The following ASPG variants were observed in gnomAD, a reference collection of about 807,000 sequenced individuals.
ASPG encodes 60 kDa lysophospholipase.
In ASPG, 53 loss-of-function variants were observed where a neutral mutation model predicts 63.2. The observed-to-expected ratio is 0.84, with a 90% CI of 0.67 to 1.05. The LOEUF is 1.05. ASPG is among the 50% of genes least tolerant of loss of function. ASPG has a pLI of 0.00. For missense variants in ASPG, 741 were observed against 794.4 expected (o/e 0.93, Z 0.81); for synonymous variants, 370 against 355.0 (o/e 1.04, Z -0.48).
chr14:104,103,539 A>G, intron 6 of ASPG, 24 bp from the exon 7 acceptor site: 1 of 1,540,692 alleles, frequency 6.5e-7, no homozygotes, highest in Non-Finnish European at 8.8e-7. Context: ...TGAAGGCACC[A>G]CACAGGCCCT....
rs778742774 is a variant in ASPG, at chr14:104,104,288, C to T, written c.754-16C>T. On this transcript the variant is annotated splice_polypyrimidine_tract_variant and intron_variant, in intron 7 of 15. Coordinates refer to ENST00000551177, the MANE Select transcript of ASPG (RefSeq NM_001080464.3). ...AGAGACCCTCACCATCCAGCCCCCA[C>T]CCCACCGCCCCACAGGTTCGGGCCT... is the stretch of plus-strand genomic sequence containing the variant. 2 of 1,604,866 alleles carry T rather than the reference C, an allele frequency of 1.2e-6. No homozygotes were observed. Among genetic ancestry groups the T allele is most frequent in the Non-Finnish European group, 1.7e-6 (2 of 1,174,916 alleles).
chr14:104,100,454 T>C (rs1408452768), intron 6 of ASPG, among the ~76,000 whole-genome samples: 1 of 152,114 alleles, frequency 6.6e-6, no homozygotes, highest in Non-Finnish European at 1.5e-5. Flanking sequence ...AACTGCCTGG[T>C]TCTACAGGTG....
chr14:104,105,600 G>T lies in ASPG; in HGVS notation c.1173+150G>T, dbSNP rs1282163345. ...CCCGGGTTCTGGGGCCCAGGAGGAG[G>T]GTTTGGGGTCTGCAGCAAGGAAGGT... On this transcript the variant is annotated intron_variant, in intron 10 of 15. Transcript: ENST00000551177. 2.6e-6 allele frequency: 3 copies of T among 1,163,908 alleles called. No homozygotes were observed. In the East Asian group the frequency reaches 8.0e-5, roughly 31 times the overall value. The allele number at this position is 1,163,908 out of a possible 1,614,324, so 72.1% of individuals were successfully genotyped here. A position where few individuals can be genotyped will look rare whatever the true frequency, so the allele number is the denominator to read the frequency against.
intron 12 of ASPG, chr14:104,108,573 G>C (rs559326242): frequency 2.0e-6 from 2 of 985,422 alleles, no homozygotes; most frequent in African/African-American, 1.7e-5. Flanking sequence ...TGCTTTGCAG[G>C]GGTGGGGGCA....
chr14:104,111,956 C>T lies in ASPG; in HGVS notation c.1657C>T (p.Leu553=). The T allele has an allele frequency of 6.4e-7, 1 of 1,558,244 alleles. No homozygotes were observed. Among genetic ancestry groups the T allele is most frequent in the Non-Finnish European group, 8.7e-7 (1 of 1,150,760 alleles). Residue 553 remains leucine, a synonymous_variant, in exon 15 of 16, where the codon CTA becomes TTA. Coordinates refer to ENST00000551177, the MANE Select transcript of ASPG (RefSeq NM_001080464.3). ...CGGGAACCTGGCAGTGGTGGCCTTT[C>T]TACAGAGCCTGGAGGGTGCGGTTGG... The part of the protein sequence containing the change: ...AAGNLAVVAF[L]QSLEGAVGAQ...
chr14:104,097,490 T>C, intron 4 of ASPG, 64 bp from the exon 5 acceptor site: 1 of 1,470,956 alleles, frequency 6.8e-7, no homozygotes, highest in South Asian at 1.3e-5. Context: ...CCTGGAGAGA[T>C]GAGCCAGACA....
chr14:104,092,573 G>A (rs2036400945), intron 1 of ASPG, 60 bp from the exon 2 acceptor site: 5 of 1,376,936 alleles, frequency 3.6e-6, no homozygotes, highest in Non-Finnish European at 4.0e-6. Flanking sequence ...CTCAGTGAGG[G>A]AGGAGGCGGC....
At chr14:104,105,870 G>A (rs2037103251) in intron 10 of ASPG, among the ~76,000 whole-genome samples, 1 of 152,194 alleles carries the variant, frequency 6.6e-6, no homozygotes. Context: ...CAACTGAGGT[G>A]CCCAGACCTA....
rs1566825605 is a variant in ASPG, at chr14:104,093,495, G to GCCAGCC, written c.197_202dup (p.Ser67_Arg68insProSer). ...CCTGCTGTTTCTGTCCCGCAGCCCG[G>GCCAGCC]CCAGCCGCAACCAGAGGATTCTCTA... On this transcript the variant is annotated inframe_insertion, in exon 3 of 16. Coordinates refer to ENST00000551177, the MANE Select transcript of ASPG (RefSeq NM_001080464.3). The GCCAGCC allele has an allele frequency of 1.2e-6, 2 of 1,612,172 alleles. No homozygotes were observed. The highest frequency in any genetic ancestry group is 3.3e-5 in the Admixed American group (2 of 60,018).
At chr14:104,088,737 G>A (rs982571550) in intron 1 of ASPG, among the ~76,000 whole-genome samples, 3 of 152,146 alleles carry the variant, frequency 2.0e-5, no homozygotes, top group Non-Finnish European at 2.9e-5. Flanking sequence ...GGTGCTACAC[G>A]TTCACAAGTT....
intron 5 of ASPG, 104 bp downstream of exon 5, chr14:104,097,741 G>A: frequency 9.8e-7 from 1 of 1,018,444 alleles, no homozygotes; most frequent in Non-Finnish European, 1.5e-6. Context: ...AGACGCCACT[G>A]CCAATAGCTG....
rs772307426 is a variant in ASPG, at chr14:104,098,957, C to T, written c.618C>T (p.Ala206=). ...AFCSPNLLPL[A]TVGADITINR... ...GCTCCCCGAACCTGCTGCCTCTGGC[C>T]ACAGTGGGTGCTGACATCACAAGTA... Residue 206 remains alanine (A), a synonymous_variant, in exon 6 of 16, where the codon GCC becomes GCT. Coordinates refer to ENST00000551177, the MANE Select transcript of ASPG (RefSeq NM_001080464.3). The T allele has an allele frequency of 4.4e-6, 7 of 1,599,300 alleles. No individual in the cohort carries two copies. Among genetic ancestry groups the T allele is most frequent in the Middle Eastern group, 1.7e-4 (1 of 5,754 alleles).
At chr14:104,106,493 G>A (rs1259812561) in intron 10 of ASPG, among the ~76,000 whole-genome samples, 3 of 152,148 alleles carry the variant, frequency 2.0e-5, no homozygotes, top group African/African-American at 7.2e-5. Flanking sequence ...GGAGCAGACG[G>A]GGGAGTCTGG....
Position 104,109,012 on chromosome 14 carries a change from A to C in ASPG, c.1434-217A>C, listed in dbSNP as rs1205124068. The stretch of plus-strand genomic sequence containing the variant: ...GACCTCAGCTGCCCTAAGAAGGAGT[A>C]CTGGACAAATGGAGGTGGTGGGATC... On this transcript the variant is annotated intron_variant, in intron 12 of 15. Coordinates refer to ENST00000551177, the MANE Select transcript of ASPG (RefSeq NM_001080464.3). This position sits in a 1 kb window ranked among gnomAD's most constrained non-coding sequence, Gnocchi z 4.8. 1.0e-6 allele frequency: 1 copy of C among 985,260 alleles called. No homozygotes were observed. Among genetic ancestry groups the C allele is most frequent in the Non-Finnish European group, 1.2e-6 (1 of 829,930 alleles). The allele number at this position is 985,260 out of a possible 1,614,324, so 61.0% of individuals were successfully genotyped here.
chr14:104,089,631 C>T (rs922418481), intron 1 of ASPG, among the ~76,000 whole-genome samples: 4 of 152,174 alleles, frequency 2.6e-5, no homozygotes, highest in East Asian at 3.9e-4. Context: ...GTGGTCCACT[C>T]GCAGGTTGGT....
Position 104,110,858 on chromosome 14 carries a change from C to T in ASPG, c.1521-644C>T, listed in dbSNP as rs555005994. 7 of 985,380 alleles carry T rather than the reference C, an allele frequency of 7.1e-6. No individual in the cohort carries two copies. The Admixed American group carries it at 1.8e-4, about 26-fold the overall frequency. 61.0% of individuals were successfully genotyped at this position (985,380 alleles called of 1,614,324 possible). A position where few individuals can be genotyped will look rare whatever the true frequency, so the allele number is the denominator to read the frequency against. Reference sequence around the variant, plus strand: ...GAGTGAGTTCTTCCCAGGAGGGTGGCAGGGTGAGGAGGAGCTGGTGAGGGC... The same window carrying T: ...GAGTGAGTTCTTCCCAGGAGGGTGGTAGGGTGAGGAGGAGCTGGTGAGGGC... On this transcript the variant is annotated intron_variant, in intron 13 of 15. Transcript: ENST00000551177. This position sits in a 1 kb window ranked among gnomAD's most constrained non-coding sequence, Gnocchi z 4.7.
Position 104,109,253 on chromosome 14 carries a change from G to T in ASPG, c.1458G>T (p.Leu486=). Residue 486 remains leucine (L), a synonymous_variant, in exon 13 of 16, where the codon CTG becomes CTT. Coordinates refer to ENST00000551177, the MANE Select transcript of ASPG (RefSeq NM_001080464.3). The surrounding 1 kb of genome is among the most constrained non-coding windows in gnomAD (Gnocchi z 4.8). ...GGCATCCGGGTGTCATTGGGTTGCTGCGGGAAGCCGGGGCCTCCCTGTCCA... is the reference window on the plus strand; with the variant it reads ...GGCATCCGGGTGTCATTGGGTTGCTTCGGGAAGCCGGGGCCTCCCTGTCCA... ...RGRHPGVIGL[L]REAGASLSTQ... is the part of the protein sequence containing the mutation. The T allele has an allele frequency of 6.2e-7, 1 of 1,613,344 alleles. No individual in the cohort carries two copies. Among genetic ancestry groups the T allele is most frequent in the Non-Finnish European group, 8.5e-7 (1 of 1,179,800 alleles).
In ASPG at chr14:104,114,385, TC is replaced by T. The variant is rs1484267952; in HGVS notation, c.*1843del. ...CACGGGCTGGGCAGATGGGGAGAGCTCCTCACAAGGCTGGGCAGCCAGACCC... is the reference window on the plus strand; with the variant it reads ...CACGGGCTGGGCAGATGGGGAGAGCTCTCACAAGGCTGGGCAGCCAGACCC... On this transcript the variant is annotated 3_prime_UTR_variant, in exon 16 of 16. Transcript: ENST00000551177. 1 of 152,214 alleles carries T rather than the reference TC, an allele frequency of 6.6e-6. No homozygotes were observed. The highest frequency in any genetic ancestry group is 1.5e-5 in the Non-Finnish European group (1 of 68,118). The allele number at this position is 152,214 out of a possible 1,614,324, so 9.4% of individuals were successfully genotyped here.
chr14:104,113,655 A>C lies in ASPG; in HGVS notation c.*1111A>C, dbSNP rs2037429784. 6.6e-6 allele frequency: 1 copy of C among 152,308 alleles called. No homozygotes were observed. 9.4% of individuals were successfully genotyped at this position (152,308 alleles called of 1,614,324 possible). ...ACTGGAGCCCCAGGAGGGCAAAAGC[A>C]TGACCCCAGAGCTGGCCCTTGGCAC... On this transcript the variant is annotated 3_prime_UTR_variant, in exon 16 of 16. Coordinates refer to ENST00000551177, the MANE Select transcript of ASPG (RefSeq NM_001080464.3).
Sources: gnomAD v4.1 joint callset for allele counts (sites outside exome capture counted in the v4.1 genomes callset) on GRCh38, gnomAD v4.1.1 for gene constraint, Gnocchi (gnomAD v3.1) non-coding constraint, MANE v1.5 for transcripts, NCBI Gene and HGNC (gene_info 2026-07-23, HGNC 2026-07-21) for gene names.